The following SOX11 variants were observed in gnomAD, a reference collection of about 807,000 sequenced individuals.
SOX11 encodes the protein transcription factor SOX-11.
Under a neutral mutation model 16.7 loss-of-function variants are expected in SOX11, and 5 were observed. That is an observed-to-expected ratio of 0.30 (90% CI 0.16 to 0.63). The LOEUF (loss-of-function observed/expected upper bound fraction) is 0.63. Among genes scored for constraint, SOX11 ranks in the 20% least tolerant of loss-of-function variants. The pLI, the probability that SOX11 is intolerant of heterozygous loss-of-function variation, is 0.82. For synonymous variants in SOX11, 363 were observed against 298.8 expected, an observed-to-expected ratio of 1.21 and a Z score of -2.22; for missense variants, 492 against 641.5, an observed-to-expected ratio of 0.77 and a Z score of 2.52.
Position 5,693,582 on chromosome 2 carries a change from C to T in SOX11, c.861C>T (p.Ser287=). ...CTACGCTGAGCAGCTCGGCGGAGTC[C>T]CCCGAGGGAGCGAGCCTCTACGACG... ...ASPTLSSSAE[S]PEGASLYDEV... The change falls in exon 1 of 1, where the codon TCC becomes TCT. Residue 287 remains serine (S), a synonymous_variant. Coordinates refer to ENST00000322002, the MANE Select transcript of SOX11 (RefSeq NM_003108.4). The surrounding 1 kb of genome is among the most constrained non-coding windows in gnomAD (Gnocchi z 8.6). 1 of 1,562,032 alleles carries T rather than the reference C, an allele frequency of 6.4e-7. No individual in the cohort carries two copies. The highest frequency in any genetic ancestry group is 1.4e-5 in the African/African-American group (1 of 73,902).
Position 5,698,128 on chromosome 2 carries a change from C to G in SOX11, c.*4081C>G, listed in dbSNP as rs1665774410. On this transcript the variant is annotated 3_prime_UTR_variant, in exon 1 of 1. Coordinates refer to ENST00000322002, the MANE Select transcript of SOX11 (RefSeq NM_003108.4). ...AACCTGTTAGAACTCAGGACAGGCG[C>G]TTCAATGCGCTTTTTAACAATATTT... The G allele has an allele frequency of 6.0e-6, 1 of 166,996 alleles. No homozygotes were observed. Among genetic ancestry groups the G allele is most frequent in the Non-Finnish European group, 1.5e-5 (1 of 68,120 alleles). The allele number at this position is 166,996 out of a possible 1,614,324, so 10.3% of individuals were successfully genotyped here.
rs1315583295 is a variant in SOX11 at position 5,699,935 on chromosome 2, C to T, written c.*5888C>T. On this transcript the variant is annotated 3_prime_UTR_variant, in exon 1 of 1. Transcript: ENST00000322002. ...TATACTCAATAAAAGCACAAAAGTGCAGAAAGTATAAAACGGCTTACAAAG... is the reference window on the plus strand; with the variant it reads ...TATACTCAATAAAAGCACAAAAGTGTAGAAAGTATAAAACGGCTTACAAAG... The T allele has an allele frequency of 1.2e-5, 2 of 166,922 alleles. No homozygotes were observed. Among genetic ancestry groups the T allele is most frequent in the Admixed American group, 1.3e-4 (2 of 15,288 alleles). 10.3% of individuals were successfully genotyped at this position (166,922 alleles called of 1,614,324 possible).
rs534522093 is a variant in SOX11, at chr2:5,696,747, G to C, written c.*2700G>C. ...GGGAGGGAAGCCTCGGGGCTGCGGG[G>C]TGAGAGGAAGAAAGCAAACCCGGGG... On this transcript the variant is annotated 3_prime_UTR_variant, in exon 1 of 1. Transcript: ENST00000322002. 3 of 152,136 alleles carry C rather than the reference G, an allele frequency of 2.0e-5. No homozygotes were observed. The South Asian group carries it at 6.2e-4, about 32-fold the overall frequency. 9.4% of individuals were successfully genotyped at this position (152,136 alleles called of 1,614,324 possible). A position where few individuals can be genotyped will look rare whatever the true frequency, so the allele number is the denominator to read the frequency against.
Position 5,693,332 on chromosome 2 carries a change from G to A in SOX11, c.611G>A (p.Arg204His). 6.3e-7 allele frequency: 1 copy of A among 1,590,408 alleles called. No homozygotes were observed. Residue 204 changes from arginine to histidine, a missense_variant, in exon 1 of 1, where the codon CGC becomes CAC. Coordinates refer to ENST00000322002, the MANE Select transcript of SOX11 (RefSeq NM_003108.4). The surrounding 1 kb of genome is among the most constrained non-coding windows in gnomAD (Gnocchi z 8.6). ...GACGACTACGTGCTGGGCAGCCTGC[G>A]CGTGAGCGGCTCGGGCGGCGGCGGC... ...AGDDYVLGSL[R>H]VSGSGGGGAG...
At position 5,693,627 on chromosome 2, in the gene SOX11, C is replaced by G; in HGVS notation, c.906C>G (p.Thr302=). Residue 302 remains threonine, a synonymous_variant, in exon 1 of 1, where the codon ACC becomes ACG. Coordinates refer to ENST00000322002, the MANE Select transcript of SOX11 (RefSeq NM_003108.4). This position sits in a 1 kb window ranked among gnomAD's most constrained non-coding sequence, Gnocchi z 8.6. ...SLYDEVRAGA[T]SGAGGGSRLY... Reference sequence around the variant, plus strand: ...ACGACGAGGTGCGGGCCGGCGCGACCTCGGGCGCCGGGGGCGGCAGCCGCC... The same window carrying G: ...ACGACGAGGTGCGGGCCGGCGCGACGTCGGGCGCCGGGGGCGGCAGCCGCC... The G allele has an allele frequency of 6.3e-7, 1 of 1,575,734 alleles. No individual in the cohort carries two copies. The highest frequency in any genetic ancestry group is 8.6e-7 in the Non-Finnish European group (1 of 1,168,616).
In SOX11 at chr2:5,697,321, TGA is replaced by T. The variant is rs1227870232; in HGVS notation, c.*3277_*3278del. On this transcript the variant is annotated 3_prime_UTR_variant, in exon 1 of 1. Coordinates refer to ENST00000322002, the MANE Select transcript of SOX11 (RefSeq NM_003108.4). ...CCGAGGTTTGGCCTTCCATTTTTAC[TGA>T]GATTTGGCGAGACCGAATGGAAGCG... is the stretch of plus-strand genomic sequence containing the variant. 1.2e-5 allele frequency: 2 copies of T among 167,092 alleles called. No homozygotes were observed. Among genetic ancestry groups the T allele is most frequent in the Non-Finnish European group, 1.5e-5 (1 of 68,146 alleles). The allele number at this position is 167,092 out of a possible 1,614,324, so 10.4% of individuals were successfully genotyped here. A position where few individuals can be genotyped will look rare whatever the true frequency, so the allele number is the denominator to read the frequency against.
In SOX11 at chr2:5,694,163, T is replaced by C; in HGVS notation, c.*116T>C. The C allele has an allele frequency of 7.5e-7, 1 of 1,340,464 alleles. No individual in the cohort carries two copies. The highest frequency in any genetic ancestry group is 1.0e-6 in the Non-Finnish European group (1 of 1,003,522). 83.0% of individuals were successfully genotyped at this position (1,340,464 alleles called of 1,614,324 possible). On this transcript the variant is annotated 3_prime_UTR_variant, in exon 1 of 1. Transcript: ENST00000322002. The stretch of plus-strand genomic sequence containing the variant: ...ATGATGATGATGGTGGTGTTGATGG[T>C]GGCGGTGGTAGGGTGGAGGGGAGAG...
Position 5,693,188 on chromosome 2 carries a change from G to T in SOX11, c.467G>T (p.Gly156Val). The change falls in exon 1 of 1, where the codon GGT (glycine) becomes GTT (valine). Residue 156 changes from glycine to valine, a missense_variant. Gly to Val is a moderately radical substitution (Grantham distance 109). Coordinates refer to ENST00000322002, the MANE Select transcript of SOX11 (RefSeq NM_003108.4). The surrounding 1 kb of genome is among the most constrained non-coding windows in gnomAD (Gnocchi z 8.6). ...GGGSAGGGAG[G>V]AKTSKGSSKK... ...GGGAGCGCGGGCGGAGGCGCGGGCG[G>T]TGCCAAGACCTCCAAGGGCTCCAGC... 1 of 1,542,940 alleles carries T rather than the reference G, an allele frequency of 6.5e-7. No homozygotes were observed. The highest frequency in any genetic ancestry group is 8.7e-7 in the Non-Finnish European group (1 of 1,148,474).
Position 5,693,884 on chromosome 2 carries a change from G to A in SOX11, c.1163G>A (p.Gly388Glu). 1 of 1,551,544 alleles carries A rather than the reference G, an allele frequency of 6.4e-7. No homozygotes were observed. Among genetic ancestry groups the A allele is most frequent in the Non-Finnish European group, 8.7e-7 (1 of 1,147,002 alleles). ...CAGCTGGGGGGCGGCGCGGCGGCCG[G>A]GAACCTGTCCCTGTCGCTGGTGGAT... ...EQQLGGGAAAGNLSLSLVDKD... is the reference protein window; with the variant it reads ...EQQLGGGAAAENLSLSLVDKD... Residue 388 changes from glycine (G) to glutamate (E), a missense_variant, in exon 1 of 1, where the codon GGG (glycine) becomes GAG (glutamate). Physicochemically the swap from Gly to Glu is moderately conservative, Grantham distance 98 (BLOSUM62 -2). This residue lies in a region of SOX11 where 31 missense variants were observed against 78.3 expected (regional missense o/e 0.40). Transcript: ENST00000322002. This position sits in a 1 kb window ranked among gnomAD's most constrained non-coding sequence, Gnocchi z 8.6.
At position 5,694,303 on chromosome 2, in the gene SOX11, C is replaced by CT. The variant is rs752791746; in HGVS notation, c.*263dup. 79 of 490,570 alleles carry CT rather than the reference C, an allele frequency of 1.6e-4. No homozygotes were observed. Among genetic ancestry groups the CT allele is most frequent in the Non-Finnish European group, 1.8e-4 (50 of 276,276 alleles). The allele number at this position is 490,570 out of a possible 1,614,324, so 30.4% of individuals were successfully genotyped here. On this transcript the variant is annotated 3_prime_UTR_variant, in exon 1 of 1. Coordinates refer to ENST00000322002, the MANE Select transcript of SOX11 (RefSeq NM_003108.4). ...GTAGTTTTTAAACATTTTTCCTGTC[C>CT]TTTTTTTGTCCCCCCTCCCTTCCTT...
Position 5,699,988 on chromosome 2 carries a change from T to C in SOX11, c.*5941T>C, listed in dbSNP as rs2103281766. On this transcript the variant is annotated 3_prime_UTR_variant, in exon 1 of 1. Coordinates refer to ENST00000322002, the MANE Select transcript of SOX11 (RefSeq NM_003108.4). ...AGACACAAGCTCATAATGTTCCATG[T>C]ATAAAAGTAATAACTTTATTGGGTA... 1 of 167,200 alleles carries C rather than the reference T, an allele frequency of 6.0e-6. No individual in the cohort carries two copies. The highest frequency in any genetic ancestry group is 6.5e-5 in the Admixed American group (1 of 15,304). The allele number at this position is 167,200 out of a possible 1,614,324, so 10.4% of individuals were successfully genotyped here. A position where few individuals can be genotyped will look rare whatever the true frequency, so the allele number is the denominator to read the frequency against.
chr2:5,695,545 C>G lies in SOX11; in HGVS notation c.*1498C>G, dbSNP rs1665713087. ...AAATGGTGGCAAAGCAGACTCAATG[C>G]ACTGTCGACATCATTGCCTGTTTTT... On this transcript the variant is annotated 3_prime_UTR_variant, in exon 1 of 1. Transcript: ENST00000322002. 6.1e-6 allele frequency: 1 copy of G among 162,942 alleles called. No individual in the cohort carries two copies. The highest frequency in any genetic ancestry group is 6.8e-5 in the Admixed American group (1 of 14,810). The allele number at this position is 162,942 out of a possible 1,614,324, so 10.1% of individuals were successfully genotyped here.
rs756675815 is a variant in SOX11, at chr2:5,697,144, G to A, written c.*3097G>A. On this transcript the variant is annotated 3_prime_UTR_variant, in exon 1 of 1. Coordinates refer to ENST00000322002, the MANE Select transcript of SOX11 (RefSeq NM_003108.4). ...CGCCTCTTTTCTGCTGGGTCTGGGAGGAGGGAGGCTGGGAGGCCGCTCGGG... is the reference window on the plus strand; with the variant it reads ...CGCCTCTTTTCTGCTGGGTCTGGGAAGAGGGAGGCTGGGAGGCCGCTCGGG... 91 of 164,572 alleles carry A rather than the reference G, an allele frequency of 5.5e-4. No individual in the cohort carries two copies. Among genetic ancestry groups the A allele is most frequent in the Non-Finnish European group, 1.1e-3 (72 of 68,084 alleles). The allele number at this position is 164,572 out of a possible 1,614,324, so 10.2% of individuals were successfully genotyped here.
Position 5,696,382 on chromosome 2 carries a change from G to T in SOX11, c.*2335G>T. 1 of 166,520 alleles carries T rather than the reference G, an allele frequency of 6.0e-6. No homozygotes were observed. The highest frequency in any genetic ancestry group is 1.9e-4 in the South Asian group (1 of 5,262). The allele number at this position is 166,520 out of a possible 1,614,324, so 10.3% of individuals were successfully genotyped here. ...CGGGGCCGCAGGGGGCGCGGGGCGC[G>T]GCGGGACCCAGGCTACGAGCGGGAG... On this transcript the variant is annotated 3_prime_UTR_variant, in exon 1 of 1. Coordinates refer to ENST00000322002, the MANE Select transcript of SOX11 (RefSeq NM_003108.4).
In SOX11 at chr2:5,693,567, C is replaced by T; in HGVS notation, c.846C>T (p.Ser282=). ...AAGTGCCCGCCAGCCCTACGCTGAG[C>T]AGCTCGGCGGAGTCCCCCGAGGGAG... is the stretch of plus-strand genomic sequence containing the variant. ...VAKVPASPTL[S]SSAESPEGAS... Residue 282 remains serine (S), a synonymous_variant, in exon 1 of 1, where the codon AGC becomes AGT. Transcript: ENST00000322002. The surrounding 1 kb of genome is among the most constrained non-coding windows in gnomAD (Gnocchi z 8.6). The T allele has an allele frequency of 6.4e-7, 1 of 1,562,074 alleles. No homozygotes were observed.
rs1665827444 is a variant in SOX11 at position 5,700,953 on chromosome 2, C to T, written c.*6906C>T. 6.0e-6 allele frequency: 1 copy of T among 166,840 alleles called. No homozygotes were observed. Among genetic ancestry groups the T allele is most frequent in the Non-Finnish European group, 1.5e-5 (1 of 68,100 alleles). 10.3% of individuals were successfully genotyped at this position (166,840 alleles called of 1,614,324 possible). Reference sequence around the variant, plus strand: ...GGGACCTTTTTTAGAGTTTGCATGCCAGCGCACGGCCTATTGCTGTGAAAC... The same window carrying T: ...GGGACCTTTTTTAGAGTTTGCATGCTAGCGCACGGCCTATTGCTGTGAAAC... On this transcript the variant is annotated 3_prime_UTR_variant, in exon 1 of 1. Coordinates refer to ENST00000322002, the MANE Select transcript of SOX11 (RefSeq NM_003108.4).
At position 5,696,380 on chromosome 2, in the gene SOX11, G is replaced by A. The variant is rs1288703113; in HGVS notation, c.*2333G>A. On this transcript the variant is annotated 3_prime_UTR_variant, in exon 1 of 1. Transcript: ENST00000322002. The stretch of plus-strand genomic sequence containing the variant: ...TGCGGGGCCGCAGGGGGCGCGGGGC[G>A]CGGCGGGACCCAGGCTACGAGCGGG... 6.0e-6 allele frequency: 1 copy of A among 166,652 alleles called. No individual in the cohort carries two copies. The allele number at this position is 166,652 out of a possible 1,614,324, so 10.3% of individuals were successfully genotyped here. A position where few individuals can be genotyped will look rare whatever the true frequency, so the allele number is the denominator to read the frequency against.
rs1665651395 is a variant in SOX11 at position 5,692,539 on chromosome 2, C to G, written c.-183C>G. On this transcript the variant is annotated 5_prime_UTR_variant, in exon 1 of 1. Coordinates refer to ENST00000322002, the MANE Select transcript of SOX11 (RefSeq NM_003108.4). ...CCACCGCGCCGGCGGCCGTCGTCGCCGAAGCCACCACAGCCGCTGTGTGCA... is the reference window on the plus strand; with the variant it reads ...CCACCGCGCCGGCGGCCGTCGTCGCGGAAGCCACCACAGCCGCTGTGTGCA... The G allele has an allele frequency of 4.0e-6, 2 of 497,228 alleles. No individual in the cohort carries two copies. The highest frequency in any genetic ancestry group is 2.1e-5 in the African/African-American group (1 of 46,794). The allele number at this position is 497,228 out of a possible 1,614,324, so 30.8% of individuals were successfully genotyped here.
rs1665657842 is a variant in SOX11, at chr2:5,692,793, C to A, written c.72C>A (p.Gly24=). Reference sequence around the variant, plus strand: ...GGGAGGCGCTGGACACGGAGGAGGGCGAATTCATGGCTTGCAGCCCGGTGG... The same window carrying A: ...GGGAGGCGCTGGACACGGAGGAGGGAGAATTCATGGCTTGCAGCCCGGTGG... ...LPREALDTEE[G]EFMACSPVAL... The change falls in exon 1 of 1, where the codon GGC becomes GGA. Residue 24 remains glycine (G), a synonymous_variant. Coordinates refer to ENST00000322002, the MANE Select transcript of SOX11 (RefSeq NM_003108.4). 6.2e-7 allele frequency: 1 copy of A among 1,612,546 alleles called. No homozygotes were observed. Among genetic ancestry groups the A allele is most frequent in the East Asian group, 2.2e-5 (1 of 44,788 alleles).
Sources: allele counts gnomAD v4.1 joint callset, GRCh38; gene constraint gnomAD v4.1.1; regional missense constraint gnomAD v4.1.1; non-coding constraint Gnocchi (gnomAD v3.1); transcripts MANE v1.5; gene names NCBI Gene and HGNC (gene_info 2026-07-23, HGNC 2026-07-21).